The following TMEM221 variants were observed in gnomAD, a reference collection of about 807,000 sequenced individuals.
TMEM221 encodes transmembrane protein 221.
In TMEM221, 11 loss-of-function variants were observed where a neutral mutation model predicts 10.2. The ratio of observed to expected loss-of-function variants is 1.08; its 90% CI spans 0.68 to 1.79. The LOEUF is 1.79. Among genes scored for constraint, TMEM221 ranks in the 40% most tolerant of loss-of-function variants. The pLI is 0.00. For synonymous variants in TMEM221, 172 were observed against 199.8 expected (o/e 0.86, Z 1.18); for missense variants, 382 against 417.7 (o/e 0.91, Z 0.75).
At chr19:17,445,142 T>A in intron 2 of TMEM221, 57 bp downstream of exon 2, 2 of 1,450,460 alleles carry the variant, frequency 1.4e-6, no homozygotes, top group Non-Finnish European at 1.9e-6. Flanking sequence ...TAGGGGACCA[T>A]TGCTGCTCTC....
chr19:17,441,839 T>C (rs1396833992), intron 2 of TMEM221, among the ~76,000 whole-genome samples: 2 of 134,302 alleles, frequency 1.5e-5, no homozygotes, highest in East Asian at 3.9e-4. Context: ...CTTTTTTTTT[T>C]TTTTTGGCTG....
chr19:17,448,649 C>T lies in TMEM221; in HGVS notation c.-187G>A. On this transcript the variant is annotated 5_prime_UTR_variant, in exon 1 of 3. Coordinates refer to ENST00000341130, the MANE Select transcript of TMEM221 (RefSeq NM_001190844.2). The surrounding 1 kb of genome is among the most constrained non-coding windows in gnomAD (Gnocchi z 4.7). ...GACGGGGGCTCCGGGGTGCTGGTCGCAGCCGGGACGCCGAATCTCCGCGAA... is the reference window on the plus strand; with the variant it reads ...GACGGGGGCTCCGGGGTGCTGGTCGTAGCCGGGACGCCGAATCTCCGCGAA... The T allele has an allele frequency of 2.6e-6, 1 of 387,268 alleles. No individual in the cohort carries two copies. The highest frequency in any genetic ancestry group is 3.9e-5 in the East Asian group (1 of 25,484). 24.0% of individuals were successfully genotyped at this position (387,268 alleles called of 1,614,324 possible).
At chr19:17,442,729 C>T (rs907168775) in intron 2 of TMEM221, among the ~76,000 whole-genome samples, 2 of 151,992 alleles carry the variant, frequency 1.3e-5, no homozygotes, top group East Asian at 3.9e-4. Flanking sequence ...TGAGCAACCA[C>T]ACCCGGCTGA....
intron 1 of TMEM221, 50 bp from the exon 2 acceptor site, chr19:17,445,334 T>TG (rs1568399045): frequency 1.4e-6 from 2 of 1,469,838 alleles, no homozygotes. Flanking sequence ...GTGGAGCTGG[T>TG]GGGGGGAGGT....
Position 17,448,333 on chromosome 19 carries a change from G to GC in TMEM221, c.129dup (p.Leu44AlafsTer66). ...TCCTGGCCCAGCCCCTCGGCGCGCA[G>GC]CCCCCGCAGCTCGGCGCGGCCCGCC... On this transcript the variant is annotated frameshift_variant, in exon 1 of 3. Coordinates refer to ENST00000341130, the MANE Select transcript of TMEM221 (RefSeq NM_001190844.2). LOFTEE classifies it high-confidence loss of function. The surrounding 1 kb of genome is among the most constrained non-coding windows in gnomAD (Gnocchi z 4.7). 1 of 1,300,012 alleles carries GC rather than the reference G, an allele frequency of 7.7e-7. No individual in the cohort carries two copies. The highest frequency in any genetic ancestry group is 2.1e-5 in the South Asian group (1 of 48,470). The allele number at this position is 1,300,012 out of a possible 1,614,324, so 80.5% of individuals were successfully genotyped here. A position where few individuals can be genotyped will look rare whatever the true frequency, so the allele number is the denominator to read the frequency against.
At chr19:17,445,364 G>T in intron 1 of TMEM221, 80 bp from the exon 2 acceptor site, 1 of 1,227,838 alleles carries the variant, frequency 8.1e-7, no homozygotes, top group Non-Finnish European at 1.1e-6. Flanking sequence ...CAGGGAGGGA[G>T]AGCCGCTTAA....
At chr19:17,445,531 CATCT>C (rs1643107666) in intron 1 of TMEM221, among the ~76,000 whole-genome samples, 1 of 152,160 alleles carries the variant, frequency 6.6e-6, no homozygotes, top group Admixed American at 6.6e-5. Context: ...CCCATCCATC[CATCT>C]ATCCACCCAT....
At chr19:17,440,023 AC>A (rs2074925444) in intron 2 of TMEM221, among the ~76,000 whole-genome samples, 1 of 151,992 alleles carries the variant, frequency 6.6e-6, no homozygotes, top group South Asian at 2.1e-4. Flanking sequence ...ACCAGTCCCT[AC>A]AAAAAATAAG....
chr19:17,446,237 G>A (rs1277166332), intron 1 of TMEM221, among the ~76,000 whole-genome samples: 3 of 151,162 alleles, frequency 2.0e-5, no homozygotes, highest in Middle Eastern at 3.4e-3. Context: ...TCCTTACTTC[G>A]ATCCATCCAC....
Position 17,440,419 on chromosome 19 carries a change from G to T in TMEM221, c.407-3492C>A, listed in dbSNP as rs543172837. On this transcript the variant is annotated intron_variant, in intron 2 of 2. Coordinates refer to ENST00000341130, the MANE Select transcript of TMEM221 (RefSeq NM_001190844.2). Reference sequence around the variant, plus strand: ...TTTTTGTATTTTTAGTAGAGATGGGGTTTCACCTTGTTAGCCAGGATGGTC... The same window carrying T: ...TTTTTGTATTTTTAGTAGAGATGGGTTTTCACCTTGTTAGCCAGGATGGTC... Among the ~76,000 whole-genome samples, 26 of 152,138 alleles carry T rather than the reference G, an allele frequency of 1.7e-4. No individual in the cohort carries two copies. The South Asian group carries it at 4.4e-3, about 26-fold the overall frequency.
chr19:17,440,419 G>C (rs543172837), intron 2 of TMEM221, among the ~76,000 whole-genome samples: 1 of 152,020 alleles, frequency 6.6e-6, no homozygotes, highest in Non-Finnish European at 1.5e-5. Context: ...TAGAGATGGG[G>C]TTTCACCTTG....
In TMEM221 at chr19:17,436,441, AT is replaced by A. The variant is rs1304865753; in HGVS notation, c.*16del. ...TATCCTTTTCTTACACCAGGTCTCT[AT>A]TCCTCATCCCTGGGCTCACACCAGT... is the stretch of plus-strand genomic sequence containing the variant. On this transcript the variant is annotated 3_prime_UTR_variant, in exon 3 of 3. Coordinates refer to ENST00000341130, the MANE Select transcript of TMEM221 (RefSeq NM_001190844.2). 5 of 1,482,594 alleles carry A rather than the reference AT, an allele frequency of 3.4e-6. No homozygotes were observed. In the South Asian group the frequency reaches 6.6e-5, roughly 19 times the overall value. The allele number at this position is 1,482,594 out of a possible 1,614,324, so 91.8% of individuals were successfully genotyped here. A position where few individuals can be genotyped will look rare whatever the true frequency, so the allele number is the denominator to read the frequency against.
chr19:17,440,041 T>G (rs2074925518), intron 2 of TMEM221, among the ~76,000 whole-genome samples: 1 of 151,650 alleles, frequency 6.6e-6, no homozygotes, highest in African/African-American at 2.4e-5. Context: ...TAAGAAACTA[T>G]CGAGGAATGG....
At chr19:17,439,775 G>C (rs1404937800) in intron 2 of TMEM221, among the ~76,000 whole-genome samples, 2 of 152,142 alleles carry the variant, frequency 1.3e-5, no homozygotes, top group Non-Finnish European at 2.9e-5. Flanking sequence ...AGGGGCAATG[G>C]GGAGTGATTG....
chr19:17,440,042 C>T (rs1248770157), intron 2 of TMEM221, among the ~76,000 whole-genome samples: 8 of 151,920 alleles, frequency 5.3e-5, no homozygotes, highest in Non-Finnish European at 8.8e-5. Context: ...AAGAAACTAT[C>T]GAGGAATGGC....
At chr19:17,438,893 C>G (rs535173671) in intron 2 of TMEM221, among the ~76,000 whole-genome samples, 1 of 418 alleles carries the variant, frequency 2.4e-3, no homozygotes, top group African/African-American at 6.7e-3. Flanking sequence ...CCACTGCGCC[C>G]GACACCTGCT....
chr19:17,447,408 A>C (rs958194836), intron 1 of TMEM221, among the ~76,000 whole-genome samples: 6 of 152,040 alleles, frequency 3.9e-5, no homozygotes, highest in African/African-American at 1.2e-4. Flanking sequence ...CCTGAGCCAG[A>C]TCCATTCCCC....
chr19:17,440,227 T>C (rs1400598772), intron 2 of TMEM221, among the ~76,000 whole-genome samples: 3 of 76,496 alleles, frequency 3.9e-5, no homozygotes, highest in Non-Finnish European at 9.7e-5. Context: ...ATGGTATTTT[T>C]TTTTTTTTTT....
rs1469569808 is a variant in TMEM221 at position 17,448,298 on chromosome 19, G to T, written c.165C>A (p.Ala55=). The change falls in exon 1 of 3, where the codon GCC becomes GCA. Residue 55 remains alanine, a synonymous_variant. Transcript: ENST00000341130. This position sits in a 1 kb window ranked among gnomAD's most constrained non-coding sequence, Gnocchi z 4.7. The stretch of plus-strand genomic sequence containing the variant: ...CCGCGTCCTCTGGCAGCCCGGGGCC[G>T]GCGCCCAGCTCCTGGCCCAGCCCCT... ...RAEGLGQELG[A]GPGLPEDAAG... 1 of 1,214,888 alleles carries T rather than the reference G, an allele frequency of 8.2e-7. No individual in the cohort carries two copies. Among genetic ancestry groups the T allele is most frequent in the Non-Finnish European group, 1.0e-6 (1 of 978,154 alleles). The allele number at this position is 1,214,888 out of a possible 1,614,324, so 75.3% of individuals were successfully genotyped here. A position where few individuals can be genotyped will look rare whatever the true frequency, so the allele number is the denominator to read the frequency against.
Sources: gnomAD v4.1 joint callset for allele counts (sites outside exome capture counted in the v4.1 genomes callset) on GRCh38, gnomAD v4.1.1 for gene constraint, Gnocchi (gnomAD v3.1) non-coding constraint, MANE v1.5 for transcripts, NCBI Gene and HGNC (gene_info 2026-07-23, HGNC 2026-07-21) for gene names.